The following PCDHGA2 variants were observed in gnomAD, a reference collection of about 807,000 sequenced individuals.
PCDHGA2 encodes the protein protocadherin gamma subfamily A, 2, also known as protocadherin gamma-A2.
In PCDHGA2, 40 loss-of-function variants were observed where a neutral mutation model predicts 59.2. That is an observed-to-expected ratio of 0.68 (90% CI 0.52 to 0.88). The LOEUF (loss-of-function observed/expected upper bound fraction) is 0.88. Among genes scored for constraint, PCDHGA2 ranks in the 40% least tolerant of loss-of-function variants. PCDHGA2 has a pLI of 0.00. For missense variants in PCDHGA2, 1,226 were observed against 1,204.0 expected (o/e 1.02, Z -0.27); for synonymous variants, 560 against 526.0 (o/e 1.06, Z -0.89).
chr5:141,357,709 A>G (rs1760706565), intron 1 of PCDHGA2: 1 of 1,470,964 alleles, frequency 6.8e-7, no homozygotes, highest in South Asian at 1.4e-5. Flanking sequence ...TAATATATCA[A>G]ATAAAGTTGC....
At chr5:141,361,738 C>T (rs1860251) in intron 1 of PCDHGA2, 2 of 1,613,136 alleles carry the variant, frequency 1.2e-6, no homozygotes, top group Non-Finnish European at 1.7e-6. Context: ...ACTGCAGGCC[C>T]GCGACCAGGG....
At position 141,351,014 on chromosome 5, in the gene PCDHGA2, G is replaced by T. The variant is rs1758618742; in HGVS notation, c.2424+9619G>T. ...ATACAGGGTTAGCCTCCAAGAAAAC[G>T]TACCGTGGGGAACCTCCGTGCTGCG... On this transcript the variant is annotated intron_variant, in intron 1 of 3. Transcript: ENST00000394576. 3 of 1,614,060 alleles carry T rather than the reference G, an allele frequency of 1.9e-6. No homozygotes were observed. In the East Asian group the frequency reaches 6.7e-5, roughly 36 times the overall value.
intron 1 of PCDHGA2, 157 bp from the exon 2 acceptor site, chr5:141,494,645 GTGTAT>G: frequency 1.1e-6 from 1 of 935,948 alleles, no homozygotes; most frequent in Non-Finnish European, 1.3e-6. Context: ...GAGACCTGAG[GTGTAT>G]TTTGTCTTTG....
In PCDHGA2 at chr5:141,460,961, A is replaced by ATATGTGTGTG. The variant is rs1463306338; in HGVS notation, c.2425-33845_2425-33844insATGTGTGTGT. On this transcript the variant is annotated intron_variant, in intron 1 of 3. Coordinates refer to ENST00000394576, the MANE Select transcript of PCDHGA2 (RefSeq NM_018915.4). ...ATATATATGTATTATGTATATATAT[A>ATATGTGTGTG]TGTGTGTGTGTGTGTGTGTGTGTAT... Among the ~76,000 whole-genome samples the ATATGTGTGTG allele has an allele frequency of 1.3e-3, 194 of 144,616 alleles. 1 individual carries two copies. The highest frequency in any genetic ancestry group is 4.7e-3 in the African/African-American group (182 of 38,716). 94.9% of individuals were successfully genotyped at this position (144,616 alleles called of 152,430 possible). A position where few individuals can be genotyped will look rare whatever the true frequency, so the allele number is the denominator to read the frequency against.
chr5:141,472,994 AAAAG>A (rs1425445230), intron 1 of PCDHGA2, among the ~76,000 whole-genome samples: 7 of 151,692 alleles, frequency 4.6e-5, no homozygotes, highest in African/African-American at 1.7e-4. Context: ...AAAAAAAAAA[AAAAG>A]AAAGAAAAAG....
intron 1 of PCDHGA2, chr5:141,378,290 C>G (rs544518611): frequency 6.6e-6 from 1 of 152,232 alleles, no homozygotes; most frequent in Non-Finnish European, 1.5e-5. Flanking sequence ...TTTGGGAGGC[C>G]AAGGCAGGCA....
intron 1 of PCDHGA2, among the ~76,000 whole-genome samples, chr5:141,433,559 G>A (rs2154555800): frequency 6.6e-6 from 1 of 152,212 alleles, no homozygotes; most frequent in Non-Finnish European, 1.5e-5. Context: ...TTTCTGGCTG[G>A]GCGCGGTGGC....
chr5:141,422,715 T>C, intron 1 of PCDHGA2: 7 of 1,603,978 alleles, frequency 4.4e-6, no homozygotes, highest in African/African-American at 1.3e-5. Context: ...CGGATGACAC[T>C]GTCCAGGGGG....
intron 1 of PCDHGA2, among the ~76,000 whole-genome samples, chr5:141,448,700 G>A (rs2098601460): frequency 6.6e-6 from 1 of 152,106 alleles, no homozygotes; most frequent in African/African-American, 2.4e-5. Context: ...CAGCACTTTG[G>A]GAGGCCGAGG....
rs772345742 is a variant in PCDHGA2 at position 141,398,560 on chromosome 5, T to C, written c.2424+57165T>C. 17 of 1,613,792 alleles carry C rather than the reference T, an allele frequency of 1.1e-5. No individual in the cohort carries two copies. The Admixed American group carries it at 2.2e-4, about 21-fold the overall frequency. ...TTCCTTTGAGCTGCAAATAAGTGAG[T>C]CTGCACAGCCTGGCACAAGATTTAT... On this transcript the variant is annotated intron_variant, in intron 1 of 3. Transcript: ENST00000394576.
chr5:141,442,047 G>A (rs186626119), intron 1 of PCDHGA2: 64 of 202,912 alleles, frequency 3.2e-4, no homozygotes, highest in Admixed American at 9.3e-4. Context: ...GCGCCTACTG[G>A]TCGCGGTGCA....
At chr5:141,447,636 T>C (rs772671166) in intron 1 of PCDHGA2, among the ~76,000 whole-genome samples, 49 of 152,136 alleles carry the variant, frequency 3.2e-4, no homozygotes, top group Non-Finnish European at 5.3e-4. Context: ...ACAGTATGAA[T>C]GATGGTAGAA....
intron 1 of PCDHGA2, among the ~76,000 whole-genome samples, chr5:141,449,607 A>G (rs1279835785): frequency 1.3e-5 from 2 of 149,984 alleles, no homozygotes; most frequent in African/African-American, 4.9e-5. Flanking sequence ...AAAAAAAAAA[A>G]GTAAAAAAGT....
chr5:141,410,719 A>G, intron 1 of PCDHGA2: 3 of 1,407,980 alleles, frequency 2.1e-6, no homozygotes, highest in Non-Finnish European at 2.9e-6. Context: ...TCATATGTTT[A>G]AAATCCATAG....
In PCDHGA2 at chr5:141,431,841, C is replaced by T; in HGVS notation, c.2425-62966C>T. The T allele has an allele frequency of 6.2e-7, 1 of 1,614,246 alleles. No homozygotes were observed. Among genetic ancestry groups the T allele is most frequent in the Non-Finnish European group, 8.5e-7 (1 of 1,180,044 alleles). ...GCCAGCTCGGTTCCCGAAAACTCTC[C>T]CAGAGGGACATTAATTGCCCTTTTA... On this transcript the variant is annotated intron_variant, in intron 1 of 3. Coordinates refer to ENST00000394576, the MANE Select transcript of PCDHGA2 (RefSeq NM_018915.4). The surrounding 1 kb of genome is among the most constrained non-coding windows in gnomAD (Gnocchi z 4.8).
At chr5:141,492,237 C>G (rs2099738580) in intron 1 of PCDHGA2, among the ~76,000 whole-genome samples, 1 of 152,206 alleles carries the variant, frequency 6.6e-6, no homozygotes, top group Admixed American at 6.5e-5. Flanking sequence ...TCCCTGCTGG[C>G]CACCCCCACG....
intron 1 of PCDHGA2, chr5:141,399,009 C>T (rs759328384): frequency 8.1e-6 from 13 of 1,613,694 alleles, no homozygotes; most frequent in African/African-American, 1.3e-5. Context: ...ATTCAAAGAG[C>T]GGAGAAATTA....
chr5:141,434,889 A>C (rs1213631251), intron 1 of PCDHGA2, among the ~76,000 whole-genome samples: 2 of 151,512 alleles, frequency 1.3e-5, no homozygotes, highest in African/African-American at 4.8e-5. Context: ...ACAACAATCC[A>C]GTCCCCTTCC....
chr5:141,452,010 G>A (rs955708033), intron 1 of PCDHGA2, among the ~76,000 whole-genome samples: 1 of 152,192 alleles, frequency 6.6e-6, no homozygotes, highest in African/African-American at 2.4e-5. Context: ...ACTTGGTCCA[G>A]CCCACACTCT....
Sources: allele counts gnomAD v4.1 joint callset (sites outside exome capture counted in the v4.1 genomes callset), GRCh38; gene constraint gnomAD v4.1.1; non-coding constraint Gnocchi (gnomAD v3.1); transcripts MANE v1.5; gene names NCBI Gene and HGNC (gene_info 2026-07-23, HGNC 2026-07-21).